The following ZFP64 variants were observed in gnomAD, a reference collection of about 807,000 sequenced individuals.
ZFP64 encodes ZFP64 zinc finger protein.
ZFP64 carries 14 observed loss-of-function variants against 51.6 expected under a neutral mutation model. That is an observed-to-expected ratio of 0.27 (90% CI 0.18 to 0.42). ZFP64 has a LOEUF of 0.42. ZFP64 is among the 10% of genes least tolerant of loss of function. The pLI, the probability that ZFP64 is intolerant of heterozygous loss-of-function variation, is 1.00. For missense variants in ZFP64, 754 were observed against 906.8 expected, an observed-to-expected ratio of 0.83 and a Z score of 2.16; for synonymous variants, 375 against 361.4, an observed-to-expected ratio of 1.04 and a Z score of -0.43.
chr20:52,152,353 G>T lies in ZFP64; in HGVS notation c.1839C>A (p.Asp613Glu). 1 of 1,614,202 alleles carries T rather than the reference G, an allele frequency of 6.2e-7. No individual in the cohort carries two copies. Among genetic ancestry groups the T allele is most frequent in the South Asian group, 1.1e-5 (1 of 91,076 alleles). The stretch of plus-strand genomic sequence containing the variant: ...GAATCAAGGCGTTTAGGCCTTCAAA[G>T]TCAGTGCAAGTAATACCCGAACTGG... ...FITSSGITCTDFEGLNALIQE... is the reference protein window; with the variant it reads ...FITSSGITCTEFEGLNALIQE... The change falls in exon 6 of 6, where the codon GAC becomes GAA. Residue 613 changes from aspartate (D) to glutamate (E), a missense_variant. Physicochemically the swap from Asp to Glu is conservative, Grantham distance 45 (BLOSUM62 2). Coordinates refer to ENST00000216923, the MANE Select transcript of ZFP64 (RefSeq NM_018197.3).
rs1342936653 is a variant in ZFP64 at position 52,153,218 on chromosome 20, T to C, written c.974A>G (p.Asp325Gly). ...FKCPHCDFLGDSKATLRKHSR... is the reference protein window; with the variant it reads ...FKCPHCDFLGGSKATLRKHSR... ...GTGCTTCCGGAGGGTGGCTTTGCTG[T>C]CACCCAGGAAGTCGCAATGAGGACA... The change falls in exon 6 of 6, where the codon GAC becomes GGC. Residue 325 changes from aspartate (D) to glycine (G), a missense_variant. Physicochemically the swap from Asp to Gly is moderately conservative, Grantham distance 94. This residue lies in a region of ZFP64 where 231 missense variants were observed against 336.7 expected (regional missense o/e 0.69). Coordinates refer to ENST00000216923, the MANE Select transcript of ZFP64 (RefSeq NM_018197.3). This position sits in a 1 kb window ranked among gnomAD's most constrained non-coding sequence, Gnocchi z 5.1. The C allele has an allele frequency of 8.1e-6, 13 of 1,614,098 alleles. No individual in the cohort carries two copies. Among genetic ancestry groups the C allele is most frequent in the Non-Finnish European group, 1.1e-5 (13 of 1,180,044 alleles).
chr20:52,158,248 C>T (rs922946063), intron 5 of ZFP64, among the ~76,000 whole-genome samples: 6 of 152,112 alleles, frequency 3.9e-5, no homozygotes, highest in South Asian at 2.1e-4. Context: ...TTATTTCAAC[C>T]GTCTCTAGAT....
At chr20:52,088,350 G>C (rs747308404) in intron 8 of ZFP64, 3 of 1,599,544 alleles carry the variant, frequency 1.9e-6, no homozygotes, top group Non-Finnish European at 2.5e-6. Flanking sequence ...TAAGAAATTA[G>C]AGAAAAAGTA....
At chr20:52,184,204 A>G (rs566896895) in intron 2 of ZFP64, among the ~76,000 whole-genome samples, 1 of 152,306 alleles carries the variant, frequency 6.6e-6, no homozygotes, top group African/African-American at 2.4e-5. Flanking sequence ...ATTCTCTGAG[A>G]ATAAGCTAGA....
In ZFP64 at chr20:52,084,784, C is replaced by T. The variant is rs61734610; in HGVS notation, c.1711G>A (p.Val571Met). ...GCCCTCTGCGTCACGATCTTGGCCA[C>T]GTGCTGGGAGCTGCCCTCTCTGAGC... is the stretch of plus-strand genomic sequence containing the variant. Residue 571 changes from valine (V) to methionine (M), a missense_variant, in exon 9 of 9, where the codon GTG becomes ATG. Val to Met is a conservative substitution (Grantham distance 21). Coordinates refer to the ZFP64 transcript ENST00000361387. 11,236 of 1,614,190 alleles carry T rather than the reference C, an allele frequency of 7.0e-3. 287 individuals carry two copies. The highest frequency in any genetic ancestry group is 0.06 in the African/African-American group (4,510 of 75,058).
At position 52,191,256 on chromosome 20, in the gene ZFP64, T is replaced by C. The variant is rs768267845; in HGVS notation, c.46+335A>G. On this transcript the variant is annotated intron_variant, in intron 1 of 5. Transcript: ENST00000216923. The surrounding 1 kb of genome is among the most constrained non-coding windows in gnomAD (Gnocchi z 4.3). ...TTACCCTAGATTCCTCCCTTTCTCCTGCCCGCCCCAAACTCCGCCTGATGG... is the reference window on the plus strand; with the variant it reads ...TTACCCTAGATTCCTCCCTTTCTCCCGCCCGCCCCAAACTCCGCCTGATGG... Among the ~76,000 whole-genome samples, 87 of 152,150 alleles carry C rather than the reference T, an allele frequency of 5.7e-4. No homozygotes were observed. Among genetic ancestry groups the C allele is most frequent in the Non-Finnish European group, 8.7e-4 (59 of 68,022 alleles).
At chr20:52,190,851 G>A (rs1301534311) in intron 1 of ZFP64, among the ~76,000 whole-genome samples, 1 of 152,118 alleles carries the variant, frequency 6.6e-6, no homozygotes, top group Non-Finnish European at 1.5e-5. Context: ...GAGTTGCCCA[G>A]GCAGCTACGA....
chr20:52,171,116 T>A (rs1982680759), intron 2 of ZFP64, among the ~76,000 whole-genome samples: 1 of 152,202 alleles, frequency 6.6e-6, no homozygotes, highest in African/African-American at 2.4e-5. Flanking sequence ...TGCTGAAGAC[T>A]CTCATCCAGA....
intron 5 of ZFP64, among the ~76,000 whole-genome samples, chr20:52,113,916 G>A (rs1978734588): frequency 1.3e-5 from 2 of 152,116 alleles, no homozygotes; most frequent in Admixed American, 1.3e-4. Flanking sequence ...GATCGGGAGT[G>A]ACTGGGTGGT....
rs143029301 is a variant in ZFP64 at position 52,152,610 on chromosome 20, C to T, written c.1582G>A (p.Ala528Thr). The part of the protein sequence containing the change: ...AVNIVPPALV[A>T]QNPEELPGNS... ...CCTGGGAGTTCCTCTGGGTTCTGGGCCACCAAGGCAGGCGGGACGATGTTC... is the reference window on the plus strand; with the variant it reads ...CCTGGGAGTTCCTCTGGGTTCTGGGTCACCAAGGCAGGCGGGACGATGTTC... The change falls in exon 6 of 6, where the codon GCC (alanine) becomes ACC (threonine). Residue 528 changes from alanine to threonine, a missense_variant. Physicochemically the swap from Ala to Thr is moderately conservative, Grantham distance 58 (BLOSUM62 0). Coordinates refer to ENST00000216923, the MANE Select transcript of ZFP64 (RefSeq NM_018197.3). 145 of 1,539,066 alleles carry T rather than the reference C, an allele frequency of 9.4e-5. No individual in the cohort carries two copies. The African/African-American group carries it at 1.5e-3, about 16-fold the overall frequency.
chr20:52,182,552 C>T (rs1233149935), intron 2 of ZFP64, among the ~76,000 whole-genome samples: 3 of 152,156 alleles, frequency 2.0e-5, no homozygotes, highest in African/African-American at 4.8e-5. Context: ...AACCCTATCT[C>T]TATAAATAAT....
intron 2 of ZFP64, among the ~76,000 whole-genome samples, chr20:52,167,465 T>C (rs1165415284): frequency 5.9e-5 from 5 of 84,694 alleles, no homozygotes; most frequent in African/African-American, 2.4e-4. Context: ...GACTTAGGCA[T>C]GTTTCCTCCC....
chr20:52,175,927 G>C (rs1013888428), intron 2 of ZFP64: 2 of 974,106 alleles, frequency 2.1e-6, no homozygotes, highest in African/African-American at 1.9e-5. Flanking sequence ...TTTCACTTAC[G>C]CTGTTCCCAA....
chr20:52,187,058 T>G lies in ZFP64; in HGVS notation c.60A>C (p.Thr20=). The change falls in exon 2 of 6, where the codon ACA becomes ACC. Residue 20 remains threonine, a synonymous_variant. Coordinates refer to ENST00000216923, the MANE Select transcript of ZFP64 (RefSeq NM_018197.3). ...CGGGAGTCAGCTCCACCAGCACCGT[T>G]GTGCCACCTGGAACTCCATGGGACA... ...FAGSVQIPGG[T]TVLVELTPDI... The G allele has an allele frequency of 6.2e-7, 1 of 1,608,022 alleles. No individual in the cohort carries two copies. Among genetic ancestry groups the G allele is most frequent in the East Asian group, 2.2e-5 (1 of 44,666 alleles).
chr20:52,160,446 C>T lies in ZFP64; in HGVS notation c.512-72G>A, dbSNP rs1361467822. ...AAAGGAAAAGGCTTATTTCCCACTG[C>T]CTTACGAAAAAAGTCATATACAACC... On this transcript the variant is annotated intron_variant, in intron 4 of 5. Transcript: ENST00000216923. This position sits in a 1 kb window ranked among gnomAD's most constrained non-coding sequence, Gnocchi z 4.2. The T allele has an allele frequency of 6.6e-7, 1 of 1,518,018 alleles. No homozygotes were observed. Among genetic ancestry groups the T allele is most frequent in the East Asian group, 2.3e-5 (1 of 44,104 alleles). The allele number at this position is 1,518,018 out of a possible 1,614,324, so 94.0% of individuals were successfully genotyped here.
Position 52,152,788 on chromosome 20 carries a change from G to A in ZFP64, c.1404C>T (p.Ser468=). The change falls in exon 6 of 6, where the codon AGC becomes AGT. Residue 468 remains serine (S), a synonymous_variant. Transcript: ENST00000216923. ...CAGTGAGGGGCGTGGCGGGCTGCTT[G>A]CTGGGGTCGATCTGAAACTGGAGAA... ...VTVLQFQIDP[S]KQPATPLTVG... 6.2e-7 allele frequency: 1 copy of A among 1,608,680 alleles called. No individual in the cohort carries two copies. Among genetic ancestry groups the A allele is most frequent in the Non-Finnish European group, 8.5e-7 (1 of 1,175,904 alleles).
At chr20:52,097,025 C>A (rs2078995931) in intron 7 of ZFP64, 3 of 627,484 alleles carry the variant, frequency 4.8e-6, no homozygotes, top group Non-Finnish European at 9.3e-6. Context: ...CTGAGTTGCC[C>A]ATGGGCTGCA....
chr20:52,189,664 G>C (rs1468765652), intron 1 of ZFP64, among the ~76,000 whole-genome samples: 1 of 151,754 alleles, frequency 6.6e-6, no homozygotes, highest in Non-Finnish European at 1.5e-5. Flanking sequence ...AGTAGAAATG[G>C]GGTTTCTTCA....
At chr20:52,114,957 GGAGGCCGAGGCAGGCAGATCAC>G (rs1350221518) in intron 5 of ZFP64, among the ~76,000 whole-genome samples, 2 of 152,088 alleles carry the variant, frequency 1.3e-5, no homozygotes, top group African/African-American at 4.8e-5. Context: ...CAGCACTTTG[GGAGGCCGAGGCAGGCAGATCAC>G]GAGGTCAGGA....
Sources: gnomAD v4.1 joint callset for allele counts (sites outside exome capture counted in the v4.1 genomes callset) on GRCh38, gnomAD v4.1.1 for gene constraint, gnomAD v4.1.1 regional missense constraint, Gnocchi (gnomAD v3.1) non-coding constraint, MANE v1.5 for transcripts, NCBI Gene and HGNC (gene_info 2026-07-23, HGNC 2026-07-21) for gene names.